ATP9B: variants seen among roughly 807,000 people sequenced by gnomAD.
The protein encoded by ATP9B is probable phospholipid-transporting ATPase IIB.
ATP9B carries 110 observed loss-of-function variants against 146.1 expected under a neutral mutation model. That is an observed-to-expected ratio of 0.75 (90% CI 0.65 to 0.88). The LOEUF (loss-of-function observed/expected upper bound fraction) is 0.88. Ranked by LOEUF, ATP9B falls within the 40% of genes least tolerant of loss-of-function variation. ATP9B has a pLI of 0.00. For synonymous variants in ATP9B, 604 were observed against 569.7 expected (o/e 1.06, Z -0.86); for missense variants, 1,499 against 1,496.4 (o/e 1.00, Z -0.03).
At chr18:79,337,638 G>A (rs1422210591) in intron 19 of ATP9B, among the ~76,000 whole-genome samples, 189 bp downstream of exon 19, 4 of 152,014 alleles carry the variant, frequency 2.6e-5, no homozygotes, top group African/African-American at 4.8e-5. Flanking sequence ...AAATCCCCAC[G>A]CCACCCCTAC....
chr18:79,359,438 G>A lies in ATP9B; in HGVS notation c.2988G>A (p.Pro996=), dbSNP rs749884882. ...DVKPEMAMLY[P]ELYKDLTKGR... The stretch of plus-strand genomic sequence containing the variant: ...AGCCAGAGATGGCGATGCTCTACCC[G>A]GAGCTGTACAAGGACCTCACCAAGG... The change falls in exon 26 of 30, where the codon CCG becomes CCA. Residue 996 remains proline (P), a synonymous_variant. Transcript: ENST00000426216. The A allele has an allele frequency of 3.5e-5, 57 of 1,613,748 alleles. No homozygotes were observed. The highest frequency in any genetic ancestry group is 3.5e-4 in the South Asian group (32 of 91,066).
chr18:79,171,273 T>C (rs2147874360), intron 7 of ATP9B, among the ~76,000 whole-genome samples: 1 of 152,346 alleles, frequency 6.6e-6, no homozygotes, highest in Admixed American at 6.5e-5. Flanking sequence ...TTTTGTTCAT[T>C]TCCAAAATTT....
intron 9 of ATP9B, among the ~76,000 whole-genome samples, chr18:79,196,246 T>C (rs79720340): frequency 0.016 from 2,501 of 152,290 alleles, 69 homozygotes; most frequent in African/African-American, 0.056. Context: ...GTCTCAAGCA[T>C]ACAGAGTTCA....
chr18:79,326,624 C>T (rs1382777492), intron 15 of ATP9B, among the ~76,000 whole-genome samples: 2 of 152,242 alleles, frequency 1.3e-5, no homozygotes, highest in African/African-American at 2.4e-5. Flanking sequence ...TCTCTGCACA[C>T]TCCGTCCCCA....
chr18:79,355,675 C>G (rs1283757173), intron 25 of ATP9B, among the ~76,000 whole-genome samples: 4 of 152,132 alleles, frequency 2.6e-5, no homozygotes, highest in African/African-American at 9.6e-5. Context: ...CGTGGGAGTT[C>G]CAGGGGAGAA....
intron 9 of ATP9B, among the ~76,000 whole-genome samples, chr18:79,204,924 T>C (rs1004418904): frequency 6.6e-5 from 10 of 152,324 alleles, no homozygotes; most frequent in East Asian, 1.9e-4. Context: ...ATTTTTTTTT[T>C]CAAAGAAACA....
intron 19 of ATP9B, among the ~76,000 whole-genome samples, chr18:79,339,395 T>C (rs1443976033): frequency 6.7e-6 from 1 of 148,986 alleles, no homozygotes; most frequent in Non-Finnish European, 1.5e-5. Flanking sequence ...GAAGTGTGCA[T>C]GATTGCAGTA....
rs546120303 is a variant in ATP9B, at chr18:79,152,642, CTT to C, written c.727-1854_727-1853del. 4.6e-5 allele frequency among the ~76,000 whole-genome samples: 7 copies of C among 151,738 alleles called. No individual in the cohort carries two copies. The South Asian group carries it at 1.3e-3, about 27-fold the overall frequency. On this transcript the variant is annotated intron_variant, in intron 6 of 29. Coordinates refer to ENST00000426216, the MANE Select transcript of ATP9B (RefSeq NM_198531.5). ...TGACGACAATTCAGTGGGGAAAGAA[CTT>C]TTTTTTTCTCTTTTAGGCATTTTAT...
intron 25 of ATP9B, chr18:79,353,786 G>A (rs908225503): frequency 1.3e-5 from 2 of 152,198 alleles, no homozygotes; most frequent in Non-Finnish European, 2.9e-5. Context: ...AAGAAAGTAG[G>A]TTTATGAAAA....
At chr18:79,288,829 G>T (rs934938689) in intron 13 of ATP9B, among the ~76,000 whole-genome samples, 6 of 152,228 alleles carry the variant, frequency 3.9e-5, no homozygotes, top group African/African-American at 1.2e-4. Context: ...AAATCTCTCA[G>T]CATTTGCTTG....
intron 1 of ATP9B, among the ~76,000 whole-genome samples, chr18:79,086,597 G>A (rs374510196): frequency 2.6e-5 from 4 of 151,986 alleles, no homozygotes; most frequent in African/African-American, 9.6e-5. Context: ...ACTGAAGTAT[G>A]TATCCTGAGC....
At chr18:79,376,301 AACTAGT>A in intron 29 of ATP9B, 1 of 985,226 alleles carries the variant, frequency 1.0e-6, no homozygotes, top group East Asian at 1.1e-4. Context: ...TAAGCACCAC[AACTAGT>A]ACTTCAGTGC....
intron 10 of ATP9B, among the ~76,000 whole-genome samples, chr18:79,209,270 T>G (rs1241878394): frequency 6.6e-6 from 1 of 152,276 alleles, no homozygotes; most frequent in African/African-American, 2.4e-5. Context: ...GGGAGAAGAC[T>G]TACATTTTCC....
chr18:79,169,495 G>C (rs915894257), intron 7 of ATP9B, among the ~76,000 whole-genome samples: 1 of 152,182 alleles, frequency 6.6e-6, no homozygotes, highest in Non-Finnish European at 1.5e-5. Context: ...TCTTCACACA[G>C]AGTTTCTGGA....
intron 7 of ATP9B, among the ~76,000 whole-genome samples, chr18:79,163,554 A>T (rs1477087126): frequency 6.6e-6 from 1 of 152,132 alleles, no homozygotes; most frequent in Non-Finnish European, 1.5e-5. Context: ...ATATCAGAAC[A>T]TTCACCCATA....
intron 11 of ATP9B, among the ~76,000 whole-genome samples, chr18:79,217,014 A>G (rs940025233): frequency 4.6e-5 from 7 of 152,162 alleles, no homozygotes; most frequent in Non-Finnish European, 1.0e-4. Flanking sequence ...TACGTGTATT[A>G]TGTCTTGAAT....
chr18:79,321,551 G>T (rs564859579), intron 15 of ATP9B, among the ~76,000 whole-genome samples: 1 of 152,142 alleles, frequency 6.6e-6, no homozygotes, highest in East Asian at 1.9e-4. Context: ...TCCTGGCTAT[G>T]TTTAATTTTA....
chr18:79,230,681 C>G (rs188676881), intron 11 of ATP9B, among the ~76,000 whole-genome samples: 23 of 152,112 alleles, frequency 1.5e-4, no homozygotes, highest in Admixed American at 2.6e-4. Flanking sequence ...CAATTCTCCT[C>G]AGAATACACC....
chr18:79,367,096 GCCT>G (rs1275781125), intron 26 of ATP9B, among the ~76,000 whole-genome samples: 7 of 140,986 alleles, frequency 5.0e-5, no homozygotes, highest in Admixed American at 7.0e-5. Flanking sequence ...CAGAGAAAGT[GCCT>G]CCTCAACCAG....
Sources: allele counts gnomAD v4.1 joint callset (sites outside exome capture counted in the v4.1 genomes callset), GRCh38; gene constraint gnomAD v4.1.1; transcripts MANE v1.5; gene names NCBI Gene and HGNC (gene_info 2026-07-23, HGNC 2026-07-21).